EFR3B: variants seen among roughly 807,000 people sequenced by gnomAD.
EFR3B encodes EFR3 homolog B, also known as protein EFR3 homolog B.
A neutral mutation model predicts 104.7 loss-of-function variants in EFR3B; 64 were observed. The observed-to-expected ratio is 0.61, with a 90% CI of 0.50 to 0.75. EFR3B has a LOEUF of 0.75. Among genes scored for constraint, EFR3B ranks in the 30% least tolerant of loss-of-function variants. The pLI is 0.00. For missense variants in EFR3B, 750 were observed against 1,078.5 expected (o/e 0.70, Z 4.27); for synonymous variants, 385 against 417.9 (o/e 0.92, Z 0.96).
chr2:25,103,532 C>T lies in EFR3B; in HGVS notation c.213-105C>T, dbSNP rs1036898149. On this transcript the variant is annotated intron_variant, in intron 3 of 22. Coordinates refer to ENST00000403714, the MANE Select transcript of EFR3B (RefSeq NM_014971.2). ...CAGCCTGTGGGGGAGCCTCATTACC[C>T]GGATGCTGCATTGCCCAGGTCACCA... The T allele has an allele frequency of 8.9e-5, 127 of 1,431,850 alleles. 1 individual carries two copies. The South Asian group carries it at 1.3e-3, about 14-fold the overall frequency. The allele number at this position is 1,431,850 out of a possible 1,614,324, so 88.7% of individuals were successfully genotyped here.
chr2:25,100,552 G>T (rs1669404095), intron 3 of EFR3B, among the ~76,000 whole-genome samples: 1 of 152,078 alleles, frequency 6.6e-6, no homozygotes, highest in African/African-American at 2.4e-5. Flanking sequence ...GAGTGCAGTG[G>T]CGCTATCTCG....
chr2:25,141,352 C>T lies in EFR3B; in HGVS notation c.1855-14C>T. On this transcript the variant is annotated splice_polypyrimidine_tract_variant and intron_variant, in intron 16 of 22. Transcript: ENST00000403714. ...TGCTGAACCAGCTCTTATCTGATTC[C>T]TCCCAACCGCCAGGTGATAGAGACC... 1 of 1,550,982 alleles carries T rather than the reference C, an allele frequency of 6.4e-7. No homozygotes were observed. Among genetic ancestry groups the T allele is most frequent in the Non-Finnish European group, 8.7e-7 (1 of 1,146,604 alleles).
At chr2:25,069,916 C>A (rs1253599121) in intron 1 of EFR3B, among the ~76,000 whole-genome samples, 2 of 152,192 alleles carry the variant, frequency 1.3e-5, no homozygotes, top group Non-Finnish European at 2.9e-5. Context: ...CCAGGATGGT[C>A]TCAATCTCCT....
intron 1 of EFR3B, among the ~76,000 whole-genome samples, chr2:25,065,906 C>G (rs1668323690): frequency 6.6e-6 from 1 of 152,082 alleles, no homozygotes; most frequent in Non-Finnish European, 1.5e-5. Flanking sequence ...CTGAATGTCT[C>G]CTTGGAAACC....
chr2:25,080,518 C>T (rs1668771969), intron 1 of EFR3B: 2 of 481,008 alleles, frequency 4.2e-6, no homozygotes, highest in Non-Finnish European at 3.7e-6. Flanking sequence ...TGTTCTTGAC[C>T]TCCTGACCTC....
intron 16 of EFR3B, among the ~76,000 whole-genome samples, chr2:25,139,751 A>G (rs1670612836): frequency 6.6e-6 from 1 of 152,156 alleles, no homozygotes; most frequent in Non-Finnish European, 1.5e-5. Context: ...CAAATTTTAA[A>G]TACTTTAAAC....
At chr2:25,077,351 G>A (rs1186456549) in intron 1 of EFR3B, among the ~76,000 whole-genome samples, 5 of 152,052 alleles carry the variant, frequency 3.3e-5, no homozygotes, top group African/African-American at 9.7e-5. Flanking sequence ...GCGATGGCAC[G>A]ATCTCAGCTC....
chr2:25,151,611 C>T (rs529648079), intron 20 of EFR3B, among the ~76,000 whole-genome samples: 8 of 152,286 alleles, frequency 5.3e-5, no homozygotes, highest in African/African-American at 1.9e-4. Context: ...CTGTTCAGGA[C>T]CTTCAATTTA....
intron 1 of EFR3B, among the ~76,000 whole-genome samples, chr2:25,083,156 T>C (rs549415120): frequency 6.6e-6 from 1 of 152,292 alleles, no homozygotes; most frequent in South Asian, 2.1e-4. Context: ...TTCCTTAAAA[T>C]AGGTATGAAA....
rs1241253733 is a variant in EFR3B at position 25,136,830 on chromosome 2, C to T, written c.1560+232C>T. Among the ~76,000 whole-genome samples the T allele has an allele frequency of 6.6e-6, 1 of 152,184 alleles. No individual in the cohort carries two copies. The highest frequency in any genetic ancestry group is 1.5e-5 in the Non-Finnish European group (1 of 68,034). On this transcript the variant is annotated intron_variant, in intron 14 of 22. Coordinates refer to ENST00000403714, the MANE Select transcript of EFR3B (RefSeq NM_014971.2). This position sits in a 1 kb window ranked among gnomAD's most constrained non-coding sequence, Gnocchi z 4.0. ...ACTCGGGAGGCTGAGGCAGGAGAAT[C>T]GCTTGAACCCAGAAGGTGGAGGTTG...
At chr2:25,097,640 G>A (rs919561202) in intron 3 of EFR3B, among the ~76,000 whole-genome samples, 3 of 152,198 alleles carry the variant, frequency 2.0e-5, no homozygotes, top group Admixed American at 6.5e-5. Flanking sequence ...GGCAGAGAGA[G>A]GATGAGATGT....
chr2:25,042,363 T>C lies in EFR3B; in HGVS notation c.7+44T>C. On this transcript the variant is annotated intron_variant, in intron 1 of 22. Coordinates refer to ENST00000403714, the MANE Select transcript of EFR3B (RefSeq NM_014971.2). This position sits in a 1 kb window ranked among gnomAD's most constrained non-coding sequence, Gnocchi z 5.4. ...CCGGGCCCGGGCCCGCGGGGGCGACTCCGCAAACTTCCCCGGCGCGGACCA... is the reference window on the plus strand; with the variant it reads ...CCGGGCCCGGGCCCGCGGGGGCGACCCCGCAAACTTCCCCGGCGCGGACCA... 8.1e-7 allele frequency: 1 copy of C among 1,240,316 alleles called. No homozygotes were observed. The highest frequency in any genetic ancestry group is 1.0e-6 in the Non-Finnish European group (1 of 991,112). The allele number at this position is 1,240,316 out of a possible 1,614,324, so 76.8% of individuals were successfully genotyped here. A position where few individuals can be genotyped will look rare whatever the true frequency, so the allele number is the denominator to read the frequency against.
chr2:25,082,707 C>G (rs1209046357), intron 1 of EFR3B, among the ~76,000 whole-genome samples: 1 of 152,196 alleles, frequency 6.6e-6, no homozygotes, highest in Non-Finnish European at 1.5e-5. Context: ...TGGGTTGGAC[C>G]CTATTCCAGC....
In EFR3B at chr2:25,129,985, TC is replaced by T; in HGVS notation, c.647del (p.Ser216TyrfsTer125). ...HVEEAESRSP[S>X]PLQAPEKEKE... ...CCTCTGTCTCCCCAGCCGGTCTCCC[TC>T]ACCCCTCCAAGCACCTGAGAAGGAG... On this transcript the variant is annotated frameshift_variant, in exon 7 of 23. Transcript: ENST00000403714. LOFTEE classifies it high-confidence loss of function. 6.4e-7 allele frequency: 1 copy of T among 1,551,590 alleles called. No homozygotes were observed. The highest frequency in any genetic ancestry group is 8.7e-7 in the Non-Finnish European group (1 of 1,146,996).
At chr2:25,059,247 G>A (rs1668112871) in intron 1 of EFR3B, among the ~76,000 whole-genome samples, 1 of 151,882 alleles carries the variant, frequency 6.6e-6, no homozygotes, top group South Asian at 2.1e-4. Context: ...CGAGTAGGTG[G>A]AATTACAAGC....
chr2:25,109,823 G>A (rs1387337296), intron 4 of EFR3B, among the ~76,000 whole-genome samples: 1 of 152,084 alleles, frequency 6.6e-6, no homozygotes, highest in Non-Finnish European at 1.5e-5. Flanking sequence ...CGCTGAATTG[G>A]GCACTTTAAA....
intron 1 of EFR3B, among the ~76,000 whole-genome samples, chr2:25,057,558 G>C (rs1668057839): frequency 6.6e-6 from 1 of 151,986 alleles, no homozygotes; most frequent in African/African-American, 2.4e-5. Context: ...GAGGCGGGTG[G>C]ATCACCTGAG....
At chr2:25,098,553 C>G (rs72850899) in intron 3 of EFR3B, among the ~76,000 whole-genome samples, 1 of 152,048 alleles carries the variant, frequency 6.6e-6, no homozygotes, top group East Asian at 1.9e-4. Flanking sequence ...TAGACACACT[C>G]GAGAAGATTA....
chr2:25,108,961 G>A (rs546026821), intron 4 of EFR3B, among the ~76,000 whole-genome samples: 180 of 152,028 alleles, frequency 1.2e-3, no homozygotes, highest in African/African-American at 4.1e-3. Context: ...AGCCGAGATC[G>A]CTCCACTGCA....
Sources: gnomAD v4.1 joint callset for allele counts (sites outside exome capture counted in the v4.1 genomes callset) on GRCh38, gnomAD v4.1.1 for gene constraint, Gnocchi (gnomAD v3.1) non-coding constraint, MANE v1.5 for transcripts, NCBI Gene and HGNC (gene_info 2026-07-23, HGNC 2026-07-21) for gene names.